The following RUNDC3B variants were observed in gnomAD, a reference collection of about 807,000 sequenced individuals.
The protein encoded by RUNDC3B is RUN domain-containing protein 3B.
In RUNDC3B, 33 loss-of-function variants were observed where a neutral mutation model predicts 58.4. The observed-to-expected ratio is 0.56, with a 90% CI of 0.43 to 0.75. The LOEUF is 0.75. RUNDC3B is among the 30% of genes least tolerant of loss of function. The pLI, the probability that RUNDC3B is intolerant of heterozygous loss-of-function variation, is 0.00. For synonymous variants in RUNDC3B, 193 were observed against 195.2 expected (o/e 0.99, Z 0.10); for missense variants, 501 against 535.7 (o/e 0.94, Z 0.64).
intron 1 of RUNDC3B, among the ~76,000 whole-genome samples, chr7:87,636,168 G>A (rs1251236333): frequency 6.6e-6 from 1 of 152,152 alleles, no homozygotes; most frequent in Non-Finnish European, 1.5e-5. Flanking sequence ...TTTTCAAAAG[G>A]AGTTGTACCA....
At chr7:87,725,698 G>T (rs577914723) in intron 4 of RUNDC3B, among the ~76,000 whole-genome samples, 4 of 152,130 alleles carry the variant, frequency 2.6e-5, no homozygotes, top group Non-Finnish European at 4.4e-5. Flanking sequence ...CTAGTTTACC[G>T]TCCCACCAAC....
chr7:87,733,132 G>T (rs904831290), intron 4 of RUNDC3B, among the ~76,000 whole-genome samples: 4 of 151,860 alleles, frequency 2.6e-5, no homozygotes. Context: ...ATGGACAGGC[G>T]CCCCCCCATG....
At chr7:87,629,816 C>T (rs1194714752) in intron 1 of RUNDC3B, among the ~76,000 whole-genome samples, 2 of 151,322 alleles carry the variant, frequency 1.3e-5, no homozygotes, top group Non-Finnish European at 1.5e-5. Flanking sequence ...ATCCCAGCTA[C>T]TCGGGAGGGT....
chr7:87,805,781 G>A (rs889763966), intron 8 of RUNDC3B, among the ~76,000 whole-genome samples: 5 of 152,030 alleles, frequency 3.3e-5, no homozygotes, highest in African/African-American at 1.2e-4. Context: ...AGCCAATTAT[G>A]ACATTGAAAT....
chr7:87,806,763 T>C (rs1228306230), intron 8 of RUNDC3B, among the ~76,000 whole-genome samples: 4 of 152,174 alleles, frequency 2.6e-5, no homozygotes, highest in East Asian at 1.9e-4. Context: ...GTAGTTGTCA[T>C]TGATTTAATC....
chr7:87,762,562 C>A (rs1315260185), intron 6 of RUNDC3B, among the ~76,000 whole-genome samples: 1 of 151,360 alleles, frequency 6.6e-6, no homozygotes, highest in East Asian at 1.9e-4. Flanking sequence ...ACTGTAAGTC[C>A]ATTTTGTATG....
At chr7:87,711,207 T>C (rs1830051118) in intron 4 of RUNDC3B, among the ~76,000 whole-genome samples, 2 of 151,824 alleles carry the variant, frequency 1.3e-5, no homozygotes, top group Admixed American at 1.3e-4. Flanking sequence ...ATGCCTGTAA[T>C]CCCAGCTACT....
chr7:87,791,279 C>T (rs546811087), intron 8 of RUNDC3B, among the ~76,000 whole-genome samples: 1 of 152,062 alleles, frequency 6.6e-6, no homozygotes, highest in African/African-American at 2.4e-5. Context: ...TTCCCAGACA[C>T]ACAAAAGCTG....
In RUNDC3B at chr7:87,700,517, T is replaced by C. The variant is rs531310295; in HGVS notation, c.335T>C (p.Ile112Thr). The C allele has an allele frequency of 1.9e-6, 3 of 1,613,376 alleles. No individual in the cohort carries two copies. Among genetic ancestry groups the C allele is most frequent in the East Asian group, 2.2e-5 (1 of 44,862 alleles). Reference sequence around the variant, plus strand: ...GTTTCACAGAATTGTATCTGCAGCATTGAAAATATGGAAAATGTCAGTTCT... The same window carrying C: ...GTTTCACAGAATTGTATCTGCAGCACTGAAAATATGGAAAATGTCAGTTCT... ...RKVSQNCICS[I>T]ENMENVSSSR... Residue 112 changes from isoleucine to threonine, a missense_variant, in exon 3 of 11, where the codon ATT becomes ACT. Ile to Thr is a moderately conservative substitution (Grantham distance 89, BLOSUM62 -1). Transcript: ENST00000394654.
chr7:87,783,085 A>G (rs1044914629), intron 8 of RUNDC3B, among the ~76,000 whole-genome samples: 4 of 151,990 alleles, frequency 2.6e-5, no homozygotes, highest in Non-Finnish European at 4.4e-5. Context: ...TTGTGTGGTT[A>G]AGTCTTTTGT....
intron 6 of RUNDC3B, among the ~76,000 whole-genome samples, chr7:87,753,719 A>G (rs1038570746): frequency 3.3e-5 from 5 of 152,156 alleles, no homozygotes; most frequent in Non-Finnish European, 5.9e-5. Flanking sequence ...ATTCTCTGCT[A>G]TAACTCAAAT....
intron 4 of RUNDC3B, among the ~76,000 whole-genome samples, chr7:87,720,857 C>G (rs148592216): frequency 0.018 from 2,054 of 115,136 alleles, 49 homozygotes; most frequent in African/African-American, 0.063. Context: ...GCCTTGGCCT[C>G]CCAAAGTGCT....
At chr7:87,659,505 A>G (rs190502198) in intron 2 of RUNDC3B, among the ~76,000 whole-genome samples, 1 of 152,234 alleles carries the variant, frequency 6.6e-6, no homozygotes, top group African/African-American at 2.4e-5. Flanking sequence ...TGTGTAGCAT[A>G]GTTGTTTTAA....
intron 2 of RUNDC3B, among the ~76,000 whole-genome samples, chr7:87,658,861 G>A (rs550052333): frequency 2.6e-5 from 4 of 152,304 alleles, no homozygotes; most frequent in Non-Finnish European, 5.9e-5. Flanking sequence ...AATGGTTAAA[G>A]AACATTCGTT....
At chr7:87,669,845 A>T (rs1377436882) in intron 2 of RUNDC3B, among the ~76,000 whole-genome samples, 2 of 152,166 alleles carry the variant, frequency 1.3e-5, no homozygotes, top group East Asian at 3.8e-4. Context: ...GTCCACTGTT[A>T]GCCTAATGGA....
At chr7:87,826,389 G>A (rs1029787714) in intron 10 of RUNDC3B, among the ~76,000 whole-genome samples, 5 of 143,570 alleles carry the variant, frequency 3.5e-5, no homozygotes, top group South Asian at 2.1e-4. Flanking sequence ...CCCCAGTCAC[G>A]TGAAGTGTGA....
intron 10 of RUNDC3B, among the ~76,000 whole-genome samples, chr7:87,818,026 T>C (rs1323508942): frequency 1.3e-5 from 2 of 152,172 alleles, no homozygotes; most frequent in Non-Finnish European, 2.9e-5. Context: ...GGCCTTAATC[T>C]TAATATTTTA....
At chr7:87,641,284 A>G (rs892005723) in intron 1 of RUNDC3B, among the ~76,000 whole-genome samples, 3 of 152,318 alleles carry the variant, frequency 2.0e-5, no homozygotes, top group African/African-American at 4.8e-5. Flanking sequence ...GATATCGCCA[A>G]CAGTTTACTA....
intron 2 of RUNDC3B, among the ~76,000 whole-genome samples, chr7:87,698,409 A>G (rs1828699375): frequency 1.3e-5 from 2 of 152,192 alleles, no homozygotes; most frequent in African/African-American, 2.4e-5. Flanking sequence ...TTTTATTTTT[A>G]AAGAGACATT....
Sources: allele counts gnomAD v4.1 joint callset (sites outside exome capture counted in the v4.1 genomes callset), GRCh38; gene constraint gnomAD v4.1.1; transcripts MANE v1.5; gene names NCBI Gene and HGNC (gene_info 2026-07-23, HGNC 2026-07-21).